Variants in VPS13C observed in about 807,000 individuals in gnomAD.
VPS13C encodes intermembrane lipid transfer protein VPS13C.
VPS13C carries 358 observed loss-of-function variants against 456.8 expected under a neutral mutation model. The ratio of observed to expected loss-of-function variants is 0.78; its 90% CI spans 0.72 to 0.86. The LOEUF (loss-of-function observed/expected upper bound fraction) is 0.86, where lower values mean the gene tolerates loss of function less well. Ranked by LOEUF, VPS13C falls within the 40% of genes least tolerant of loss-of-function variation. The probability of loss-of-function intolerance (pLI) is 0.00; values close to 1 mark genes in which losing one functional copy is unlikely to be tolerated. For synonymous variants in VPS13C, 1,578 were observed against 1,486.7 expected (o/e 1.06, Z -1.41); for missense variants, 4,818 against 4,385.4 (o/e 1.10, Z -2.79).
chr15:62,019,648 G>A (rs1222665456), intron 9 of VPS13C, among the ~76,000 whole-genome samples: 2 of 152,006 alleles, frequency 1.3e-5, no homozygotes, highest in Non-Finnish European at 2.9e-5. Flanking sequence ...ACTGTGGTCT[G>A]AGAGACTGTT....
intron 71 of VPS13C, 136 bp downstream of exon 71, chr15:61,881,427 G>T: frequency 1.2e-6 from 1 of 829,842 alleles, no homozygotes; most frequent in South Asian, 2.5e-5. Flanking sequence ...AAGATTACTT[G>T]ACCAAAAGTG....
intron 15 of VPS13C, among the ~76,000 whole-genome samples, chr15:62,003,050 T>C (rs1032473090): frequency 3.9e-5 from 6 of 152,192 alleles, no homozygotes; most frequent in African/African-American, 1.4e-4. Flanking sequence ...TTTCCAATTC[T>C]GTGAAGAAAG....
chr15:62,011,225 CTG>C (rs2047027727), intron 12 of VPS13C, among the ~76,000 whole-genome samples: 1 of 152,026 alleles, frequency 6.6e-6, no homozygotes, highest in East Asian at 1.9e-4. Context: ...ACTATAAAAA[CTG>C]TGATATCTCA....
chr15:62,043,939 A>G (rs1477681768), intron 2 of VPS13C, among the ~76,000 whole-genome samples: 1 of 152,216 alleles, frequency 6.6e-6, no homozygotes, highest in Non-Finnish European at 1.5e-5. Flanking sequence ...GAAGGAAAAT[A>G]TTGCTATAAG....
At chr15:61,876,827 A>G (rs1566962878) in intron 75 of VPS13C, 146 bp downstream of exon 75, 1 of 540,226 alleles carries the variant, frequency 1.9e-6, no homozygotes, top group Non-Finnish European at 3.0e-6. Flanking sequence ...AGAAACAGAA[A>G]TTAATCATTG....
At chr15:61,897,012 G>T (rs1000907358) in intron 66 of VPS13C, among the ~76,000 whole-genome samples, 1 of 152,236 alleles carries the variant, frequency 6.6e-6, no homozygotes, top group East Asian at 1.9e-4. Flanking sequence ...CACACGGCAG[G>T]GTACTCCAAC....
chr15:62,060,353 C>G lies in VPS13C; in HGVS notation c.22G>C (p.Ala8Pro), dbSNP rs763824886. The G allele has an allele frequency of 1.2e-6, 2 of 1,600,560 alleles. No homozygotes were observed. Among genetic ancestry groups the G allele is most frequent in the Non-Finnish European group, 1.7e-6 (2 of 1,173,330 alleles). Residue 8 changes from alanine (A) to proline (P), a missense_variant, in exon 1 of 85, where the codon GCG (alanine) becomes CCG (proline). Transcript: ENST00000644861. MVLESVVADLLNRFLGDY... is the reference protein window; with the variant it reads MVLESVVPDLLNRFLGDY... ...CCCAGGAAGCGGTTCAGCAAGTCCGCGACCACCGACTCCAGCACCATGGTG... is the reference window on the plus strand; with the variant it reads ...CCCAGGAAGCGGTTCAGCAAGTCCGGGACCACCGACTCCAGCACCATGGTG...
At chr15:61,922,789 T>C in intron 53 of VPS13C, 27 bp from the exon 54 acceptor site, 1 of 1,516,830 alleles carries the variant, frequency 6.6e-7, no homozygotes. Flanking sequence ...AGAAAAATAT[T>C]TATAATAAAT....
chr15:61,914,362 A>G (rs540621794), intron 61 of VPS13C, among the ~76,000 whole-genome samples: 1 of 152,136 alleles, frequency 6.6e-6, no homozygotes, highest in Non-Finnish European at 1.5e-5. Context: ...TAAGGTCAGG[A>G]GTTCGAGACC....
At chr15:62,010,366 T>C (rs1293671536) in intron 13 of VPS13C, 106 bp downstream of exon 13, 8 of 1,267,236 alleles carry the variant, frequency 6.3e-6, no homozygotes, top group Non-Finnish European at 8.3e-6. Context: ...AATCTCAACA[T>C]AACAAACCCC....
At chr15:61,866,454 C>CAATT in intron 81 of VPS13C, 1 of 984,332 alleles carries the variant, frequency 1.0e-6, no homozygotes, top group Non-Finnish European at 1.2e-6. Flanking sequence ...TCTTAAGTTA[C>CAATT]AGGGGTTCTT....
At chr15:61,947,126 G>A in intron 43 of VPS13C, 67 bp downstream of exon 43, 1 of 1,061,610 alleles carries the variant, frequency 9.4e-7, no homozygotes, top group Non-Finnish European at 1.4e-6. Context: ...AATCTAACAG[G>A]TACAAGCTCA....
At chr15:62,032,734 A>G (rs1314269382) in intron 5 of VPS13C, among the ~76,000 whole-genome samples, 1 of 151,806 alleles carries the variant, frequency 6.6e-6, no homozygotes, top group Non-Finnish European at 1.5e-5. Flanking sequence ...CCACCAAATG[A>G]CACAAAAATT....
chr15:61,867,274 G>C lies in VPS13C; in HGVS notation c.10863+1385C>G, dbSNP rs1222310552. 1 of 984,274 alleles carries C rather than the reference G, an allele frequency of 1.0e-6. No individual in the cohort carries two copies. The highest frequency in any genetic ancestry group is 1.7e-5 in the African/African-American group (1 of 57,326). The allele number at this position is 984,274 out of a possible 1,614,324, so 61.0% of individuals were successfully genotyped here. A position where few individuals can be genotyped will look rare whatever the true frequency, so the allele number is the denominator to read the frequency against. ...AGCAGAAATGCTAAAGGCTGAAAATGTATATAACATAATTATAAAATGGCT... is the reference window on the plus strand; with the variant it reads ...AGCAGAAATGCTAAAGGCTGAAAATCTATATAACATAATTATAAAATGGCT... On this transcript the variant is annotated intron_variant, in intron 81 of 84. Coordinates refer to ENST00000644861, the MANE Select transcript of VPS13C (RefSeq NM_020821.3). This position sits in a 1 kb window ranked among gnomAD's most constrained non-coding sequence, Gnocchi z 5.0.
At chr15:61,923,809 T>TA (rs1327885199) in intron 53 of VPS13C, among the ~76,000 whole-genome samples, 1 of 148,388 alleles carries the variant, frequency 6.7e-6, no homozygotes, top group East Asian at 2.0e-4. Context: ...CTTCCAGTCT[T>TA]ACAACGCCAC....
intron 47 of VPS13C, 99 bp from the exon 48 acceptor site, chr15:61,936,849 C>A: frequency 6.4e-6 from 8 of 1,242,672 alleles, no homozygotes; most frequent in Non-Finnish European, 8.8e-6. Flanking sequence ...AATTGTTCAC[C>A]TACTTAAAAA....
rs551926952 is a variant in VPS13C, at chr15:61,972,705, T to G, written c.2677A>C (p.Lys893Gln). 13 of 1,613,412 alleles carry G rather than the reference T, an allele frequency of 8.1e-6. No homozygotes were observed. The South Asian group carries it at 1.4e-4, about 18-fold the overall frequency. The change falls in exon 27 of 85, where the codon AAA becomes CAA. Residue 893 changes from lysine to glutamine, a missense_variant. Physicochemically the swap from Lys to Gln is moderately conservative, Grantham distance 53. Transcript: ENST00000644861. ...GCAGCTTTTTTAAGTTCTGATCCTT[T>G]CATACTTTTACAAGTCTGTGGTTCT... ...DGEPQTCKSM[K>Q]GSELKKAAEV...
chr15:61,968,728 A>G (rs949915086), intron 28 of VPS13C, among the ~76,000 whole-genome samples: 8 of 152,104 alleles, frequency 5.3e-5, no homozygotes, highest in Non-Finnish European at 1.0e-4. Context: ...AGAGTTTCTG[A>G]AAGAACTAAC....
intron 82 of VPS13C, among the ~76,000 whole-genome samples, chr15:61,862,271 T>C (rs1477561719): frequency 6.6e-6 from 1 of 152,188 alleles, no homozygotes; most frequent in East Asian, 1.9e-4. Flanking sequence ...TGGTCAGGTA[T>C]ATTTTACTAA....
Sources: gnomAD v4.1 joint callset for allele counts (sites outside exome capture counted in the v4.1 genomes callset) on GRCh38, gnomAD v4.1.1 for gene constraint, Gnocchi (gnomAD v3.1) non-coding constraint, MANE v1.5 for transcripts, NCBI Gene and HGNC (gene_info 2026-07-23, HGNC 2026-07-21) for gene names.